Variants in WDR27 observed in about 807,000 individuals in gnomAD.
The protein encoded by WDR27 is WD repeat domain 27.
Under a neutral mutation model 114.4 loss-of-function variants are expected in WDR27, and 100 were observed. The ratio of observed to expected loss-of-function variants is 0.87; its 90% CI spans 0.74 to 1.03. The LOEUF (loss-of-function observed/expected upper bound fraction) is 1.03, where lower values mean the gene tolerates loss of function less well. Ranked by LOEUF, WDR27 falls within the 50% of genes least tolerant of loss-of-function variation. The pLI is 0.00. For synonymous variants in WDR27, 449 were observed against 423.1 expected, an observed-to-expected ratio of 1.06 and a Z score of -0.75; for missense variants, 1,129 against 1,092.9, an observed-to-expected ratio of 1.03 and a Z score of -0.47.
chr6:169,445,893 G>A, the WDR27 span, among the ~76,000 whole-genome samples: 1 of 152,262 alleles, frequency 6.6e-6, no homozygotes, highest in African/African-American at 2.4e-5. Flanking sequence ...TTGCAGGCTG[G>A]GCTGGGTGGG....
chr6:169,630,182 T>C (rs988916521), intron 21 of WDR27, among the ~76,000 whole-genome samples: 19 of 152,222 alleles, frequency 1.2e-4, no homozygotes, highest in South Asian at 4.1e-4. Flanking sequence ...TTTTTAGACA[T>C]TGCATTTTGA....
At chr6:169,481,910 G>C (rs1285955665) in intron 25 of WDR27, among the ~76,000 whole-genome samples, 4 of 152,216 alleles carry the variant, frequency 2.6e-5, no homozygotes, top group Non-Finnish European at 5.9e-5. Context: ...CTTCATTCTT[G>C]AAGTCAGGCA....
intron 7 of WDR27, chr6:169,665,270 T>G: frequency 7.5e-7 from 1 of 1,331,556 alleles, no homozygotes; most frequent in Non-Finnish European, 9.6e-7. Context: ...CTCTGGGACA[T>G]GCAGACCCAG....
intron 23 of WDR27, among the ~76,000 whole-genome samples, chr6:169,592,143 C>G: frequency 6.6e-6 from 1 of 152,150 alleles, no homozygotes; most frequent in East Asian, 1.9e-4. Flanking sequence ...TCCTCATCAT[C>G]ATGTTCTTTT....
intron 25 of WDR27, among the ~76,000 whole-genome samples, chr6:169,532,172 T>C (rs987753669): frequency 1.3e-5 from 2 of 152,158 alleles, no homozygotes; most frequent in African/African-American, 4.8e-5. Flanking sequence ...ACCTTCAATT[T>C]TTTAAATTTC....
chr6:169,666,304 T>G lies in WDR27; in HGVS notation c.713-748A>C. 3.6e-6 allele frequency: 3 copies of G among 829,372 alleles called. No individual in the cohort carries two copies. The South Asian group carries it at 1.7e-4, about 46-fold the overall frequency. 51.4% of individuals were successfully genotyped at this position (829,372 alleles called of 1,614,324 possible). Reference sequence around the variant, plus strand: ...TCATTACAGCACCATAGTCCACACATGGATACATTAACCTCAGAAAGAATG... The same window carrying G: ...TCATTACAGCACCATAGTCCACACAGGGATACATTAACCTCAGAAAGAATG... On this transcript the variant is annotated intron_variant, in intron 6 of 25. Coordinates refer to ENST00000448612, the MANE Select transcript of WDR27 (RefSeq NM_182552.5).
In WDR27 at chr6:169,526,719, AGAAT is replaced by A. The variant is rs1265761532; in HGVS notation, c.2645+45696_2645+45699del. Among the ~76,000 whole-genome samples the A allele has an allele frequency of 4.6e-5, 7 of 152,224 alleles. No homozygotes were observed. The South Asian group carries it at 1.2e-3, about 27-fold the overall frequency. On this transcript the variant is annotated intron_variant, in intron 25 of 25. Coordinates refer to ENST00000448612, the MANE Select transcript of WDR27 (RefSeq NM_182552.5). ...ACTATAAGGAAAATGAAAAATCCAC[AGAAT>A]GAAAGAAAATAGTTGCCAGTTATAT... is the stretch of plus-strand genomic sequence containing the variant.
At chr6:169,632,436 C>CA (rs1402620877) in intron 21 of WDR27, among the ~76,000 whole-genome samples, 3 of 152,134 alleles carry the variant, frequency 2.0e-5, no homozygotes, top group African/African-American at 7.2e-5. Context: ...TCTTGGGTAC[C>CA]AAGTGTCTTT....
intron 2 of WDR27, among the ~76,000 whole-genome samples, chr6:169,674,539 G>A (rs1779588834): frequency 6.6e-6 from 1 of 152,164 alleles, no homozygotes; most frequent in Non-Finnish European, 1.5e-5. Flanking sequence ...AAATGAAAGA[G>A]AGAAAAAATA....
intron 6 of WDR27, chr6:169,666,539 C>T (rs1292664503): frequency 3.0e-6 from 3 of 985,420 alleles, no homozygotes; most frequent in East Asian, 1.1e-4. Flanking sequence ...AGGACAAGCA[C>T]AGGGGCTGCA....
At chr6:169,473,648 T>C (rs1368477764) in intron 25 of WDR27, among the ~76,000 whole-genome samples, 1 of 151,962 alleles carries the variant, frequency 6.6e-6, no homozygotes, top group Non-Finnish European at 1.5e-5. Context: ...TATTAGAATG[T>C]CTAAAGGAGC....
chr6:169,602,340 C>A lies in WDR27; in HGVS notation c.2322-19G>T, dbSNP rs1240666591. The A allele has an allele frequency of 4.7e-6, 7 of 1,475,526 alleles. No homozygotes were observed. The South Asian group carries it at 7.5e-5, about 16-fold the overall frequency. The allele number at this position is 1,475,526 out of a possible 1,614,324, so 91.4% of individuals were successfully genotyped here. On this transcript the variant is annotated intron_variant, in intron 22 of 25. Coordinates refer to ENST00000448612, the MANE Select transcript of WDR27 (RefSeq NM_182552.5). ...CTCACACCTACAGGGAGGAAAGAAA[C>A]ACCAGGAGAAAAATCATTTTAAAAT...
At chr6:169,596,487 ATG>A (rs1432722848) in intron 23 of WDR27, among the ~76,000 whole-genome samples, 3 of 151,718 alleles carry the variant, frequency 2.0e-5, no homozygotes, top group African/African-American at 7.3e-5. Flanking sequence ...CTGATGTTTT[ATG>A]TGTTTTCTTA....
intron 25 of WDR27, among the ~76,000 whole-genome samples, chr6:169,497,724 A>C (rs984288013): frequency 6.6e-6 from 1 of 152,204 alleles, no homozygotes; most frequent in Admixed American, 6.5e-5. Flanking sequence ...ACCCATTAGA[A>C]TGCAACTATC....
At chr6:169,688,703 C>G (rs1442223372) in intron 2 of WDR27, 114 bp downstream of exon 2, 2 of 575,322 alleles carry the variant, frequency 3.5e-6, no homozygotes, top group Non-Finnish European at 5.6e-6. Flanking sequence ...CAATATTTTT[C>G]TCCTATAGTT....
Position 169,659,716 on chromosome 6 carries a change from C to T in WDR27, c.1130-198G>A, listed in dbSNP as rs1271056337. Among the ~76,000 whole-genome samples the T allele has an allele frequency of 2.6e-5, 4 of 151,976 alleles. No individual in the cohort carries two copies. The highest frequency in any genetic ancestry group is 4.4e-5 in the Non-Finnish European group (3 of 67,984). ...GCCACACACACACCAGCGCACACAC[C>T]ACACACACACCAGGCCCTGAGCGTC... is the stretch of plus-strand genomic sequence containing the variant. On this transcript the variant is annotated intron_variant, in intron 10 of 25. Transcript: ENST00000448612. The surrounding 1 kb of genome is among the most constrained non-coding windows in gnomAD (Gnocchi z 4.3).
intron 13 of WDR27, among the ~76,000 whole-genome samples, chr6:169,653,157 G>T (rs1219463671): frequency 6.6e-6 from 1 of 152,208 alleles, no homozygotes; most frequent in Non-Finnish European, 1.5e-5. Flanking sequence ...TCTCACAGGG[G>T]AGTTTCTTTC....
At chr6:169,634,024 C>A (rs1174435802) in intron 20 of WDR27, among the ~76,000 whole-genome samples, 1 of 152,114 alleles carries the variant, frequency 6.6e-6, no homozygotes, top group Non-Finnish European at 1.5e-5. Flanking sequence ...ATGGTGTTAG[C>A]CATAAAAATC....
intron 25 of WDR27, among the ~76,000 whole-genome samples, chr6:169,543,690 T>G (rs1459597431): frequency 6.6e-6 from 1 of 152,158 alleles, no homozygotes; most frequent in East Asian, 1.9e-4. Context: ...GGAAGAAGTA[T>G]TTTTAATAGT....
Sources: allele counts gnomAD v4.1 joint callset (sites outside exome capture counted in the v4.1 genomes callset), GRCh38; gene constraint gnomAD v4.1.1; non-coding constraint Gnocchi (gnomAD v3.1); transcripts MANE v1.5; gene names NCBI Gene and HGNC (gene_info 2026-07-23, HGNC 2026-07-21).